Variants in MLLT10 observed in about 807,000 individuals in gnomAD.
MLLT10 encodes the protein MLLT10 histone lysine methyltransferase DOT1L cofactor, also known as protein AF-10.
MLLT10 carries 30 observed loss-of-function variants against 129.1 expected under a neutral mutation model. The observed-to-expected ratio is 0.23, with a 90% CI of 0.17 to 0.32. MLLT10 has a LOEUF of 0.32. Ranked by LOEUF, MLLT10 falls within the 10% of genes least tolerant of loss-of-function variation. The pLI, the probability that MLLT10 is intolerant of heterozygous loss-of-function variation, is 1.00. For missense variants in MLLT10, 1,119 were observed against 1,268.3 expected (o/e 0.88, Z 1.79); for synonymous variants, 490 against 446.4 (o/e 1.10, Z -1.23).
intron 8 of MLLT10, among the ~76,000 whole-genome samples, chr10:21,644,307 T>C (rs1165006844): frequency 6.6e-6 from 1 of 152,222 alleles, no homozygotes; most frequent in East Asian, 1.9e-4. Context: ...ATGTTGTTTA[T>C]GCTTGGGAGG....
chr10:21,610,982 C>CTGTTTTTTTTTTTTTTTTTTTT (rs2044560775), intron 5 of MLLT10, among the ~76,000 whole-genome samples: 1 of 117,354 alleles, frequency 8.5e-6, no homozygotes, highest in Non-Finnish European at 1.8e-5. Flanking sequence ...TTTCTTTTTT[C>CTGTTTTTTTTTTTTTTTTTTTT]TCTTTTTTTT....
intron 8 of MLLT10, among the ~76,000 whole-genome samples, chr10:21,640,235 G>A (rs1453234160): frequency 2.9e-5 from 4 of 138,160 alleles, no homozygotes; most frequent in East Asian, 2.0e-4. Context: ...TATATATTAT[G>A]TAATATAAAT....
In MLLT10 at chr10:21,651,782, A is replaced by G. The variant is rs2049050577; in HGVS notation, c.795+14A>G. 6.3e-7 allele frequency: 1 copy of G among 1,575,004 alleles called. No individual in the cohort carries two copies. The highest frequency in any genetic ancestry group is 8.7e-7 in the Non-Finnish European group (1 of 1,149,398). ...ACTACAGAAAAAGTAAGTTTTAAGT[A>G]TCATATTTTGTTTTATGTAATAAGT... On this transcript the variant is annotated intron_variant, in intron 9 of 22. Coordinates refer to ENST00000307729, the MANE Select transcript of MLLT10 (RefSeq NM_001195626.3).
intron 3 of MLLT10, among the ~76,000 whole-genome samples, chr10:21,561,250 T>C (rs556392216): frequency 2.6e-5 from 4 of 152,294 alleles, no homozygotes; most frequent in African/African-American, 9.6e-5. Flanking sequence ...TATTTATTTA[T>C]ATATTTATTT....
chr10:21,586,218 T>G, intron 3 of MLLT10, 76 bp from the exon 4 acceptor site: 1 of 1,146,248 alleles, frequency 8.7e-7, no homozygotes, highest in Non-Finnish European at 1.3e-6. Flanking sequence ...TTCAGTAGTT[T>G]TGACGTTGCA....
At chr10:21,559,576 A>G (rs1225244277) in intron 3 of MLLT10, among the ~76,000 whole-genome samples, 2 of 152,198 alleles carry the variant, frequency 1.3e-5, no homozygotes, top group African/African-American at 2.4e-5. Context: ...TATTTCCAGA[A>G]CTAATTCCAA....
intron 8 of MLLT10, among the ~76,000 whole-genome samples, chr10:21,627,808 C>T (rs1488213229): frequency 6.6e-6 from 1 of 152,022 alleles, no homozygotes; most frequent in Non-Finnish European, 1.5e-5. Flanking sequence ...ACAGTCTTTT[C>T]ATTAACTTAT....
chr10:21,670,299 G>C (rs183853430), intron 9 of MLLT10, 150 bp from the exon 10 acceptor site: 467 of 611,446 alleles, frequency 7.6e-4, no homozygotes, highest in African/African-American at 7.5e-3. Flanking sequence ...AATTGTTTTT[G>C]GATGATTTTC....
intron 8 of MLLT10, among the ~76,000 whole-genome samples, chr10:21,640,190 T>C (rs1367538576): frequency 6.9e-6 from 1 of 144,792 alleles, no homozygotes; most frequent in Admixed American, 7.1e-5. Context: ...CAAATATTAT[T>C]ATATAATATT....
rs71393919 is a variant in MLLT10, at chr10:21,689,565, G to GTATATATATA, written c.1699+7323_1699+7332dup. Among the ~76,000 whole-genome samples, 27 of 113,456 alleles carry GTATATATATA rather than the reference G, an allele frequency of 2.4e-4. No homozygotes were observed. In the East Asian group the frequency reaches 4.9e-3, roughly 20 times the overall value. 74.4% of individuals were successfully genotyped at this position (113,456 alleles called of 152,430 possible). On this transcript the variant is annotated intron_variant, in intron 13 of 22. Transcript: ENST00000307729. ...TAAAGTAATATATATATATATATAT[G>GTATATATATA]TATATATATATATATATATATATAG...
At chr10:21,560,839 A>T (rs1310648045) in intron 3 of MLLT10, among the ~76,000 whole-genome samples, 1 of 152,150 alleles carries the variant, frequency 6.6e-6, no homozygotes, top group African/African-American at 2.4e-5. Flanking sequence ...TAGTGATACA[A>T]GCATCTTTTC....
chr10:21,556,729 C>T (rs755458664), intron 3 of MLLT10: 121 of 1,611,912 alleles, frequency 7.5e-5, no homozygotes, highest in Admixed American at 3.5e-4. Flanking sequence ...CATCTCCCCA[C>T]CCCCGATGCC....
chr10:21,586,241 C>T (rs1297743573), intron 3 of MLLT10, 53 bp from the exon 4 acceptor site: 3 of 1,398,872 alleles, frequency 2.1e-6, no homozygotes, highest in Non-Finnish European at 2.9e-6. Context: ...GAAGATACTA[C>T]ATTTTTGATA....
At chr10:21,629,174 A>T (rs538849211) in intron 8 of MLLT10, among the ~76,000 whole-genome samples, 1 of 151,698 alleles carries the variant, frequency 6.6e-6, no homozygotes, top group East Asian at 1.9e-4. Context: ...AGCTTTTCCC[A>T]TACGGACTGC....
chr10:21,723,685 C>T (rs1437819181), intron 14 of MLLT10, among the ~76,000 whole-genome samples: 1 of 152,116 alleles, frequency 6.6e-6, no homozygotes, highest in East Asian at 1.9e-4. Flanking sequence ...CTGCCCTGTC[C>T]TGTGGTCAGC....
At chr10:21,638,547 A>G (rs1024746390) in intron 8 of MLLT10, among the ~76,000 whole-genome samples, 4 of 151,734 alleles carry the variant, frequency 2.6e-5, no homozygotes, top group Non-Finnish European at 5.9e-5. Flanking sequence ...AGTCTTAAAA[A>G]CTTGTGTTTT....
At chr10:21,738,484 A>G (rs1323717568) in intron 21 of MLLT10, 2 of 1,288,924 alleles carry the variant, frequency 1.6e-6, no homozygotes, top group African/African-American at 3.0e-5. Flanking sequence ...TGAGGACTAA[A>G]GGACTGTACT....
Position 21,562,359 on chromosome 10 carries a change from C to T in MLLT10, c.240+23447C>T, listed in dbSNP as rs188308453. 3.4e-4 allele frequency among the ~76,000 whole-genome samples: 51 copies of T among 147,906 alleles called. 1 individual carries two copies. Among genetic ancestry groups the T allele is most frequent in the Admixed American group, 2.1e-3 (31 of 14,800 alleles). On this transcript the variant is annotated intron_variant, in intron 3 of 22. Coordinates refer to ENST00000307729, the MANE Select transcript of MLLT10 (RefSeq NM_001195626.3). ...TTTATTTATTTATTTTTTTTTGAGA[C>T]GGCGTCTCACTCTTGTTGCCCAGGC... is the stretch of plus-strand genomic sequence containing the variant.
At chr10:21,624,453 A>C in intron 8 of MLLT10, 1 of 524,658 alleles carries the variant, frequency 1.9e-6, no homozygotes, top group Admixed American at 3.0e-5. Flanking sequence ...TATACACAAT[A>C]GTGATTTCTT....
Sources: gnomAD v4.1 joint callset for allele counts (sites outside exome capture counted in the v4.1 genomes callset) on GRCh38, gnomAD v4.1.1 for gene constraint, MANE v1.5 for transcripts, NCBI Gene and HGNC (gene_info 2026-07-23, HGNC 2026-07-21) for gene names.